The following LONP1 variants were observed in gnomAD, a reference collection of about 807,000 sequenced individuals.
LONP1 encodes the protein lon peptidase 1, mitochondrial.
A neutral mutation model predicts 98.5 loss-of-function variants in LONP1; 31 were observed. That is an observed-to-expected ratio of 0.31 (90% CI 0.24 to 0.42). The LOEUF (loss-of-function observed/expected upper bound fraction) is 0.42, where lower values mean the gene tolerates loss of function less well. Ranked by LOEUF, LONP1 falls within the 20% of genes least tolerant of loss-of-function variation. LONP1 has a pLI of 1.00. For synonymous variants in LONP1, 781 were observed against 594.7 expected, an observed-to-expected ratio of 1.31 and a Z score of -4.56; for missense variants, 1,336 against 1,350.6, an observed-to-expected ratio of 0.99 and a Z score of 0.17.
chr19:5,702,476 G>A (rs1477609832), intron 8 of LONP1, among the ~76,000 whole-genome samples: 1 of 151,946 alleles, frequency 6.6e-6, no homozygotes, highest in Non-Finnish European at 1.5e-5. Flanking sequence ...CTCTGGGAGG[G>A]AGGAGTGGGG....
In LONP1 at chr19:5,705,933, G is replaced by A; in HGVS notation, c.1206C>T (p.Ile402=). The change falls in exon 8 of 18, where the codon ATC becomes ATT. Residue 402 remains isoleucine (I), a synonymous_variant. Transcript: ENST00000360614. ...RKYLLQEQLK[I]IKKELGLEKD... ...TCTCCAGGCCCAGCTCCTTCTTGAT[G>A]ATCTTTAGCTGCTCCTGCAGCAGGT... 1 of 1,614,008 alleles carries A rather than the reference G, an allele frequency of 6.2e-7. No individual in the cohort carries two copies. The highest frequency in any genetic ancestry group is 2.2e-5 in the East Asian group (1 of 44,878).
In LONP1 at chr19:5,692,001, A is replaced by ACATCC. The variant is rs1568307993; in HGVS notation, c.*26_*30dup. On this transcript the variant is annotated 3_prime_UTR_variant, in exon 18 of 18. Coordinates refer to ENST00000360614, the MANE Select transcript of LONP1 (RefSeq NM_004793.4). Reference sequence around the variant, plus strand: ...TCAGTTCTGGCCCAGACAGGGCCTGACATCCGCCGCCTGCAGTCCCGGGGT... The same window carrying ACATCC: ...TCAGTTCTGGCCCAGACAGGGCCTGACATCCCATCCGCCGCCTGCAGTCCCGGGGT... 6.3e-7 allele frequency: 1 copy of ACATCC among 1,594,910 alleles called. No homozygotes were observed. The highest frequency in any genetic ancestry group is 1.1e-5 in the South Asian group (1 of 88,144).
At chr19:5,720,446 C>G (rs1374664602), upstream of LONP1, 1 of 591,678 alleles carries the variant, frequency 1.7e-6, no homozygotes, top group Admixed American at 3.2e-5. Flanking sequence ...AGCCTGTGCA[C>G]ATGCTTAGGC....
chr19:5,701,323 C>T (rs1046922575), intron 8 of LONP1, among the ~76,000 whole-genome samples: 1 of 152,156 alleles, frequency 6.6e-6, no homozygotes, highest in South Asian at 2.1e-4. Context: ...CTGCCCTCTG[C>T]CTCTCCCCTT....
At position 5,698,848 on chromosome 19, in the gene LONP1, G is replaced by T. The variant is rs144786420; in HGVS notation, c.1685+179C>A. On this transcript the variant is annotated intron_variant, in intron 10 of 17. Transcript: ENST00000360614. ...CCTGCCAGCGCTGTTTGAGCACCTG[G>T]AATCAGCTGGGCCTGAAGTCCGCCA... is the stretch of plus-strand genomic sequence containing the variant. Among the ~76,000 whole-genome samples, 2,359 of 152,364 alleles carry T rather than the reference G, an allele frequency of 0.015. 26 individuals are homozygous for T. The highest frequency in any genetic ancestry group is 0.024 in the Non-Finnish European group (1,643 of 68,024).
chr19:5,699,534 C>T (rs1167067012), intron 9 of LONP1, among the ~76,000 whole-genome samples: 1 of 151,792 alleles, frequency 6.6e-6, no homozygotes, highest in Non-Finnish European at 1.5e-5. Context: ...GAGAAGCAGT[C>T]CACCAATGCC....
chr19:5,713,751 C>T (rs766996371), intron 2 of LONP1, among the ~76,000 whole-genome samples: 9 of 152,082 alleles, frequency 5.9e-5, no homozygotes, highest in East Asian at 5.8e-4. Context: ...TTAGTAAAGA[C>T]GAGGTTTCAT....
In LONP1 at chr19:5,720,133, A is replaced by T; in HGVS notation, c.-1T>A. 7.1e-7 allele frequency: 1 copy of T among 1,409,064 alleles called. No individual in the cohort carries two copies. The highest frequency in any genetic ancestry group is 9.2e-7 in the Non-Finnish European group (1 of 1,089,700). The allele number at this position is 1,409,064 out of a possible 1,614,324, so 87.3% of individuals were successfully genotyped here. A position where few individuals can be genotyped will look rare whatever the true frequency, so the allele number is the denominator to read the frequency against. ...GCACGTAGCCAGTGCTCGCCGCCATAGCCCGGCCATACTGGCGGCTCACAC... is the reference window on the plus strand; with the variant it reads ...GCACGTAGCCAGTGCTCGCCGCCATTGCCCGGCCATACTGGCGGCTCACAC... On this transcript the variant is annotated 5_prime_UTR_variant, in exon 1 of 18. Coordinates refer to ENST00000360614, the MANE Select transcript of LONP1 (RefSeq NM_004793.4).
Position 5,697,792 on chromosome 19 carries a change from C to T in LONP1, c.1686-1035G>A, listed in dbSNP as rs904008329. 5.9e-5 allele frequency among the ~76,000 whole-genome samples: 9 copies of T among 152,118 alleles called. No individual in the cohort carries two copies. In the East Asian group the frequency reaches 9.7e-4, roughly 16 times the overall value. On this transcript the variant is annotated intron_variant, in intron 10 of 17. Transcript: ENST00000360614. ...TCAGGAACCCAGAGACGTCAGCAGA[C>T]GCCTGCCCTCCCCGCAGCCCCGCTA...
rs2145609512 is a variant in LONP1, at chr19:5,706,007, G to A, written c.1147-15C>T. The A allele has an allele frequency of 6.3e-7, 1 of 1,593,264 alleles. No individual in the cohort carries two copies. The highest frequency in any genetic ancestry group is 8.6e-7 in the Non-Finnish European group (1 of 1,165,220). On this transcript the variant is annotated splice_polypyrimidine_tract_variant and intron_variant, in intron 7 of 17. Coordinates refer to ENST00000360614, the MANE Select transcript of LONP1 (RefSeq NM_004793.4). Reference sequence around the variant, plus strand: ...TTCTCCTCCACCTGTGGGGTGAGGTGCTGCCATCAGGCCCTGGCTCCGGGA... The same window carrying A: ...TTCTCCTCCACCTGTGGGGTGAGGTACTGCCATCAGGCCCTGGCTCCGGGA...
chr19:5,718,584 C>A (rs1442771682), intron 1 of LONP1, among the ~76,000 whole-genome samples: 3 of 151,946 alleles, frequency 2.0e-5, no homozygotes, highest in Non-Finnish European at 4.4e-5. Context: ...CCAACAGATC[C>A]TTGAGATTTG....
intron 17 of LONP1, among the ~76,000 whole-genome samples, chr19:5,692,502 C>A (rs2054844671): frequency 6.6e-6 from 1 of 152,156 alleles, no homozygotes; most frequent in South Asian, 2.1e-4. Flanking sequence ...GGATGAGCCA[C>A]ACACCCACGG....
intron 11 of LONP1, 61 bp from the exon 12 acceptor site, chr19:5,696,432 G>GT (rs1368614153): frequency 6.4e-7 from 1 of 1,572,016 alleles, no homozygotes. Flanking sequence ...CGCCCAGTGG[G>GT]GAGACCCCAG....
rs1435989552 is a variant in LONP1 at position 5,691,969 on chromosome 19, A to ACAGCGCTCAGTTCTGGCC, written c.*45_*62dup. On this transcript the variant is annotated 3_prime_UTR_variant, in exon 18 of 18. Transcript: ENST00000360614. The stretch of plus-strand genomic sequence containing the variant: ...ACTGCCAGGTCCGGGCGCGCTCCCC[A>ACAGCGCTCAGTTCTGGCC]CAGCGCTCAGTTCTGGCCCAGACAG... 1.1e-6 allele frequency: 1 copy of ACAGCGCTCAGTTCTGGCC among 883,966 alleles called. No individual in the cohort carries two copies. Among genetic ancestry groups the ACAGCGCTCAGTTCTGGCC allele is most frequent in the South Asian group, 1.8e-5 (1 of 54,944 alleles). 54.8% of individuals were successfully genotyped at this position (883,966 alleles called of 1,614,324 possible).
At chr19:5,711,573 C>G (rs2055237178) in intron 4 of LONP1, among the ~76,000 whole-genome samples, 198 bp downstream of exon 4, 1 of 152,202 alleles carries the variant, frequency 6.6e-6, no homozygotes, top group South Asian at 2.1e-4. Flanking sequence ...TCCTGTGCCT[C>G]TCCCATCCCA....
In LONP1 at chr19:5,716,253, A is replaced by AATATATATATATATATAT. The variant is rs1200539692; in HGVS notation, c.430-1983_430-1982insATATATATATATATATAT. ...ATTCTTTATTATATAATAAAGTTAA[A>AATATATATATATATATAT]ATATACATATATATATATATATATA... On this transcript the variant is annotated intron_variant, in intron 1 of 17. Transcript: ENST00000360614. 2.6e-4 allele frequency among the ~76,000 whole-genome samples: 19 copies of AATATATATATATATATAT among 71,724 alleles called. 1 individual carries two copies. The highest frequency in any genetic ancestry group is 5.7e-4 in the South Asian group (1 of 1,754). The allele number at this position is 71,724 out of a possible 152,430, so 47.1% of individuals were successfully genotyped here.
Position 5,700,922 on chromosome 19 carries a change from G to A in LONP1, c.1373C>T (p.Thr458Ile), listed in dbSNP as rs759382798. ...LDNHSSEFNV[T>I]RNYLDWLTSI... Reference sequence around the variant, plus strand: ...CGTGAGCCAGTCTAGGTAGTTGCGGGTGACACTGCCAGGGGACAGATGGAG... The same window carrying A: ...CGTGAGCCAGTCTAGGTAGTTGCGGATGACACTGCCAGGGGACAGATGGAG... Residue 458 changes from threonine to isoleucine, a missense_variant, in exon 9 of 18, where the codon ACC (threonine) becomes ATC (isoleucine). Coordinates refer to ENST00000360614, the MANE Select transcript of LONP1 (RefSeq NM_004793.4). 9 of 1,614,154 alleles carry A rather than the reference G, an allele frequency of 5.6e-6. No homozygotes were observed. Among genetic ancestry groups the A allele is most frequent in the Non-Finnish European group, 7.6e-6 (9 of 1,180,008 alleles).
chr19:5,698,973 C>T, intron 10 of LONP1, 54 bp downstream of exon 10: 1 of 1,515,034 alleles, frequency 6.6e-7, no homozygotes. Flanking sequence ...GAAGACGAAG[C>T]CCGGCAGCAC....
chr19:5,702,038 C>T (rs1445640969), intron 8 of LONP1, among the ~76,000 whole-genome samples: 22 of 151,512 alleles, frequency 1.5e-4, no homozygotes, highest in Non-Finnish European at 4.4e-5. Context: ...AAGTGAGGAG[C>T]GTCTCCGCCC....
Sources: gnomAD v4.1 joint callset for allele counts (sites outside exome capture counted in the v4.1 genomes callset) on GRCh38, gnomAD v4.1.1 for gene constraint, MANE v1.5 for transcripts, NCBI Gene and HGNC (gene_info 2026-07-23, HGNC 2026-07-21) for gene names.